Variants in KHDRBS2 observed in about 807,000 individuals in gnomAD.
KHDRBS2 encodes the protein KH RNA binding domain containing, signal transduction associated 2, also known as KH domain-containing, RNA-binding, signal transduction-associated protein 2.
A neutral mutation model predicts 44.3 loss-of-function variants in KHDRBS2; 26 were observed. That is an observed-to-expected ratio of 0.59 (90% confidence interval 0.43 to 0.81). KHDRBS2 has a LOEUF of 0.81. KHDRBS2 is among the 40% of genes least tolerant of loss of function. KHDRBS2 has a pLI of 0.00. For synonymous variants in KHDRBS2, 194 were observed against 151.1 expected (o/e 1.28, Z -2.08); for missense variants, 476 against 433.1 (o/e 1.10, Z -0.88).
chr6:62,116,010 T>C (rs1806128533), intron 2 of KHDRBS2, among the ~76,000 whole-genome samples: 1 of 152,074 alleles, frequency 6.6e-6, no homozygotes, highest in Admixed American at 6.6e-5. Context: ...TACTGTTAAA[T>C]CAGAAATTAT....
At chr6:61,985,407 G>A (rs1281866058) in intron 3 of KHDRBS2, among the ~76,000 whole-genome samples, 1 of 152,140 alleles carries the variant, frequency 6.6e-6, no homozygotes, top group East Asian at 1.9e-4. Context: ...TCCAGCAAGA[G>A]CCTTGACCAG....
the KHDRBS2 span, among the ~76,000 whole-genome samples, chr6:61,562,107 A>G: frequency 5.3e-5 from 8 of 152,208 alleles, no homozygotes; most frequent in Admixed American, 2.6e-4. Flanking sequence ...ATTTGACATC[A>G]TATATTCAGT....
chr6:61,831,342 T>G (rs1320575222), intron 6 of KHDRBS2, among the ~76,000 whole-genome samples: 1 of 151,974 alleles, frequency 6.6e-6, no homozygotes, highest in Non-Finnish European at 1.5e-5. Flanking sequence ...CTCCTGAAGA[T>G]AAGAAAAATG....
chr6:62,239,039 A>C (rs140530678), intron 1 of KHDRBS2, among the ~76,000 whole-genome samples: 10 of 152,342 alleles, frequency 6.6e-5, no homozygotes, highest in African/African-American at 2.4e-4. Context: ...GATTAAAGAG[A>C]CATGACAACC....
chr6:61,780,880 A>T lies in KHDRBS2; in HGVS notation c.811-48116T>A, dbSNP rs78232235. ...AGTGTTTCTTGGGCAGGCCTATCTGAAACCAGTTTGTGTTTTCTCAGTAGC... is the reference window on the plus strand; with the variant it reads ...AGTGTTTCTTGGGCAGGCCTATCTGTAACCAGTTTGTGTTTTCTCAGTAGC... On this transcript the variant is annotated intron_variant, in intron 6 of 8. Transcript: ENST00000281156. Among the ~76,000 whole-genome samples the T allele has an allele frequency of 1.1e-3, 173 of 152,266 alleles. 2 individuals are homozygous for T. In the East Asian group the frequency reaches 0.012, roughly 11 times the overall value.
intron 7 of KHDRBS2, 126 bp from the exon 8 acceptor site, chr6:61,697,379 C>G (rs1768022328): frequency 1.5e-6 from 1 of 674,704 alleles, no homozygotes; most frequent in Admixed American, 2.3e-5. Flanking sequence ...GCATAAAACA[C>G]AATCCTAAAT....
intron 6 of KHDRBS2, chr6:61,816,718 A>G (rs756588781): frequency 1.5e-5 from 6 of 396,248 alleles, no homozygotes; most frequent in Non-Finnish European, 3.1e-5. Flanking sequence ...TAAAGAATAA[A>G]TCTACTAAAA....
chr6:61,929,797 A>C (rs1809673976), intron 4 of KHDRBS2, among the ~76,000 whole-genome samples: 1 of 152,196 alleles, frequency 6.6e-6, no homozygotes, highest in African/African-American at 2.4e-5. Context: ...TCCTACAGAT[A>C]TATATTATAT....
the KHDRBS2 span, among the ~76,000 whole-genome samples, chr6:61,573,908 A>G: frequency 9.5e-6 from 1 of 105,270 alleles, no homozygotes; most frequent in South Asian, 2.8e-4. Context: ...ACTAGTTTAC[A>G]AAACAGAACA....
chr6:61,752,725 A>C (rs1364360267), intron 6 of KHDRBS2, among the ~76,000 whole-genome samples: 1 of 151,262 alleles, frequency 6.6e-6, no homozygotes, highest in Non-Finnish European at 1.5e-5. Context: ...TTGAGGTCAT[A>C]TTCTAGTTGG....
the KHDRBS2 span, among the ~76,000 whole-genome samples, chr6:61,610,419 C>T: frequency 4.6e-5 from 7 of 152,058 alleles, no homozygotes; most frequent in Non-Finnish European, 8.8e-5. Context: ...TATAATCTCA[C>T]TTTTTTTGGG....
chr6:61,969,882 C>CA lies in KHDRBS2; in HGVS notation c.483+8183dup, dbSNP rs201668724. ...AGAATTCTAAATGAGAGGTGTGTTTCAAAAAAAAACATATAAAATCTCTTA... is the reference window on the plus strand; with the variant it reads ...AGAATTCTAAATGAGAGGTGTGTTTCAAAAAAAAAACATATAAAATCTCTTA... On this transcript the variant is annotated intron_variant, in intron 4 of 8. Coordinates refer to ENST00000281156, the MANE Select transcript of KHDRBS2 (RefSeq NM_152688.4). Among the ~76,000 whole-genome samples, 44 of 148,496 alleles carry CA rather than the reference C, an allele frequency of 3.0e-4. No individual in the cohort carries two copies. The East Asian group carries it at 4.5e-3, about 15-fold the overall frequency.
At chr6:61,858,448 A>T (rs1049556702) in intron 6 of KHDRBS2, among the ~76,000 whole-genome samples, 1 of 151,874 alleles carries the variant, frequency 6.6e-6, no homozygotes, top group Non-Finnish European at 1.5e-5. Flanking sequence ...TACCATTAAC[A>T]TCTCCCCCAT....
At chr6:62,022,319 C>T (rs994349928) in intron 3 of KHDRBS2, among the ~76,000 whole-genome samples, 1 of 151,676 alleles carries the variant, frequency 6.6e-6, no homozygotes, top group Non-Finnish European at 1.5e-5. Context: ...TAGCCAATTG[C>T]ATTGGGAATT....
intron 6 of KHDRBS2, among the ~76,000 whole-genome samples, chr6:61,839,127 G>C (rs1324698689): frequency 6.6e-6 from 1 of 151,950 alleles, no homozygotes; most frequent in Admixed American, 6.6e-5. Flanking sequence ...AGATGGGGTG[G>C]GGGAAACCAC....
chr6:61,984,474 A>G (rs533175233), intron 3 of KHDRBS2, among the ~76,000 whole-genome samples: 1 of 152,152 alleles, frequency 6.6e-6, no homozygotes, highest in Admixed American at 6.5e-5. Context: ...GAAAAAAAAT[A>G]CGTTCTGAAC....
chr6:61,649,703 C>A, the KHDRBS2 span, among the ~76,000 whole-genome samples: 1 of 152,120 alleles, frequency 6.6e-6, no homozygotes, highest in Non-Finnish European at 1.5e-5. Context: ...CCAATCCAAA[C>A]CATCACAAAA....
At chr6:62,201,020 G>A (rs1410794515) in intron 1 of KHDRBS2, among the ~76,000 whole-genome samples, 1 of 152,118 alleles carries the variant, frequency 6.6e-6, no homozygotes, top group Non-Finnish European at 1.5e-5. Context: ...TCACTCATAG[G>A]TGGGACTTGA....
chr6:62,095,485 T>C (rs539513707), intron 2 of KHDRBS2, among the ~76,000 whole-genome samples: 2 of 151,984 alleles, frequency 1.3e-5, no homozygotes, highest in African/African-American at 4.8e-5. Flanking sequence ...TAACATGTTC[T>C]ATGGTTGTGT....
Sources: allele counts gnomAD v4.1 joint callset (sites outside exome capture counted in the v4.1 genomes callset), GRCh38; gene constraint gnomAD v4.1.1; transcripts MANE v1.5; gene names NCBI Gene and HGNC (gene_info 2026-07-23, HGNC 2026-07-21).